SPOCK3: variants seen among roughly 807,000 people sequenced by gnomAD.
SPOCK3 encodes testican-3.
SPOCK3 carries 30 observed loss-of-function variants against 56.6 expected under a neutral mutation model. That is an observed-to-expected ratio of 0.53 (90% CI 0.40 to 0.72). The LOEUF is 0.72. SPOCK3 is among the 30% of genes least tolerant of loss of function. The probability of loss-of-function intolerance (pLI) is 0.00; values close to 1 mark genes in which losing one functional copy is unlikely to be tolerated. For missense variants in SPOCK3, 527 were observed against 530.0 expected (o/e 0.99, Z 0.06); for synonymous variants, 196 against 183.3 (o/e 1.07, Z -0.56).
intron 2 of SPOCK3, among the ~76,000 whole-genome samples, chr4:167,174,723 A>G (rs1379519758): frequency 6.6e-6 from 1 of 152,182 alleles, no homozygotes; most frequent in Non-Finnish European, 1.5e-5. Context: ...CTTCAGATAA[A>G]AGGTTATAGA....
intron 2 of SPOCK3, among the ~76,000 whole-genome samples, chr4:167,167,068 G>A (rs569751317): frequency 6.6e-6 from 1 of 151,942 alleles, no homozygotes; most frequent in African/African-American, 2.4e-5. Context: ...TCTTGCTGGG[G>A]CAAGCTGAAC....
chr4:167,215,964 GA>G (rs1429126840), intron 2 of SPOCK3, among the ~76,000 whole-genome samples: 2 of 152,136 alleles, frequency 1.3e-5, no homozygotes, highest in Non-Finnish European at 2.9e-5. Flanking sequence ...GGTGAGCATG[GA>G]ATTGAAGAAA....
chr4:166,839,211 T>A (rs1746966943), intron 6 of SPOCK3, among the ~76,000 whole-genome samples: 1 of 152,084 alleles, frequency 6.6e-6, no homozygotes, highest in Non-Finnish European at 1.5e-5. Flanking sequence ...TACTGCCAGG[T>A]GGTGTCAGAA....
At chr4:167,153,725 A>G (rs958036767) in intron 2 of SPOCK3, among the ~76,000 whole-genome samples, 4 of 152,200 alleles carry the variant, frequency 2.6e-5, no homozygotes, top group African/African-American at 9.7e-5. Flanking sequence ...ATGTCTATTA[A>G]ACACAGTGAA....
chr4:167,169,468 A>C (rs990389560), intron 2 of SPOCK3, among the ~76,000 whole-genome samples: 16 of 152,186 alleles, frequency 1.1e-4, no homozygotes, highest in African/African-American at 3.9e-4. Context: ...GTTGGATTTC[A>C]GACTTGCATG....
At chr4:166,901,769 A>G (rs1056479963) in intron 5 of SPOCK3, among the ~76,000 whole-genome samples, 1 of 152,098 alleles carries the variant, frequency 6.6e-6, no homozygotes, top group Non-Finnish European at 1.5e-5. Context: ...CGTGTCCAGG[A>G]GGTTGGTTCT....
At chr4:167,065,452 T>G (rs570241967) in intron 2 of SPOCK3, among the ~76,000 whole-genome samples, 3 of 151,888 alleles carry the variant, frequency 2.0e-5, no homozygotes, top group Admixed American at 2.0e-4. Flanking sequence ...AATAATATGG[T>G]CAAGCTTGGT....
chr4:166,933,851 T>A (rs189386801), intron 4 of SPOCK3, among the ~76,000 whole-genome samples: 1 of 152,202 alleles, frequency 6.6e-6, no homozygotes, highest in African/African-American at 2.4e-5. Flanking sequence ...ATGAAATCCA[T>A]GGTGTGTGCA....
intron 3 of SPOCK3, among the ~76,000 whole-genome samples, chr4:167,040,018 A>G (rs1241487111): frequency 6.6e-6 from 1 of 152,214 alleles, no homozygotes; most frequent in Non-Finnish European, 1.5e-5. Context: ...TTGCAGAACG[A>G]CTAAGTTGTA....
At chr4:166,788,397 T>G (rs904667713) in intron 7 of SPOCK3, among the ~76,000 whole-genome samples, 1 of 152,182 alleles carries the variant, frequency 6.6e-6, no homozygotes, top group African/African-American at 2.4e-5. Flanking sequence ...CTATCTAATC[T>G]AACATCTACA....
At chr4:166,899,238 C>T (rs567782147) in intron 5 of SPOCK3, among the ~76,000 whole-genome samples, 1 of 146,218 alleles carries the variant, frequency 6.8e-6, no homozygotes, top group Non-Finnish European at 1.5e-5. Flanking sequence ...TAATAAATCT[C>T]CTCATATCTA....
intron 5 of SPOCK3, among the ~76,000 whole-genome samples, chr4:166,906,503 C>T (rs1736633068): frequency 6.8e-6 from 1 of 147,448 alleles, no homozygotes; most frequent in East Asian, 2.0e-4. Flanking sequence ...AAAAAAAAAC[C>T]TACCTTCTAC....
intron 7 of SPOCK3, among the ~76,000 whole-genome samples, chr4:166,765,172 G>GT (rs1363147726): frequency 2.6e-5 from 4 of 151,326 alleles, no homozygotes; most frequent in Non-Finnish European, 5.9e-5. Context: ...TTCTTTTGCT[G>GT]TGAAGCTCTT....
chr4:166,846,405 TA>T (rs1553986533), intron 6 of SPOCK3, among the ~76,000 whole-genome samples: 1 of 152,116 alleles, frequency 6.6e-6, no homozygotes, highest in Non-Finnish European at 1.5e-5. Flanking sequence ...TATTGTAGAT[TA>T]ATAGATTATC....
intron 4 of SPOCK3, among the ~76,000 whole-genome samples, chr4:166,995,750 A>G (rs576924982): frequency 9.2e-5 from 14 of 152,198 alleles, no homozygotes; most frequent in African/African-American, 3.1e-4. Flanking sequence ...AGAGTTTTGC[A>G]TACATTAAGT....
chr4:166,815,393 C>T (rs935547815), intron 6 of SPOCK3, among the ~76,000 whole-genome samples: 6 of 152,116 alleles, frequency 3.9e-5, no homozygotes, highest in African/African-American at 1.2e-4. Flanking sequence ...GAAAACTATA[C>T]ATTTATTTGA....
intron 7 of SPOCK3, among the ~76,000 whole-genome samples, chr4:166,774,352 C>G (rs1458778899): frequency 6.6e-6 from 1 of 152,168 alleles, no homozygotes; most frequent in African/African-American, 2.4e-5. Context: ...AAGGCTTCAT[C>G]TATTTTCATA....
intron 2 of SPOCK3, among the ~76,000 whole-genome samples, chr4:167,166,082 T>C (rs1339165916): frequency 6.6e-6 from 1 of 152,066 alleles, no homozygotes; most frequent in Non-Finnish European, 1.5e-5. Context: ...GAGAAATTCA[T>C]AACCCACATG....
chr4:167,147,593 A>G (rs1231298004), intron 2 of SPOCK3, among the ~76,000 whole-genome samples: 1 of 152,210 alleles, frequency 6.6e-6, no homozygotes, highest in Non-Finnish European at 1.5e-5. Flanking sequence ...GGATAAAGAA[A>G]ATGTGGCACA....
Sources: allele counts gnomAD v4.1 joint callset (sites outside exome capture counted in the v4.1 genomes callset), GRCh38; gene constraint gnomAD v4.1.1; transcripts MANE v1.5; gene names NCBI Gene and HGNC (gene_info 2026-07-23, HGNC 2026-07-21).